The following FNDC3A variants were observed in gnomAD, a reference collection of about 807,000 sequenced individuals.
FNDC3A encodes the protein fibronectin type III domain containing 3A, also known as fibronectin type-III domain-containing protein 3A.
FNDC3A carries 32 observed loss-of-function variants against 148.9 expected under a neutral mutation model. The ratio of observed to expected loss-of-function variants is 0.21; its 90% CI spans 0.16 to 0.29. FNDC3A has a LOEUF of 0.29. Among genes scored for constraint, FNDC3A ranks in the 10% least tolerant of loss-of-function variants. The pLI, the probability that FNDC3A is intolerant of heterozygous loss-of-function variation, is 1.00. For missense variants in FNDC3A, 1,191 were observed against 1,452.8 expected (o/e 0.82, Z 2.93); for synonymous variants, 472 against 473.6 (o/e 1.00, Z 0.04).
intron 23 of FNDC3A, among the ~76,000 whole-genome samples, chr13:49,200,674 T>C (rs1886380914): frequency 6.6e-6 from 1 of 152,068 alleles, no homozygotes; most frequent in African/African-American, 2.4e-5. Context: ...AATATTCAGC[T>C]AGCATCTAGA....
chr13:49,049,442 CT>C (rs563395502), intron 2 of FNDC3A, among the ~76,000 whole-genome samples: 1 of 150,008 alleles, frequency 6.7e-6, no homozygotes, highest in African/African-American at 2.4e-5. Flanking sequence ...TGGTCCTGGC[CT>C]TTTTTTTTGT....
intron 2 of FNDC3A, among the ~76,000 whole-genome samples, chr13:49,020,095 G>A (rs1424687605): frequency 1.3e-5 from 2 of 152,268 alleles, no homozygotes; most frequent in South Asian, 2.1e-4. Flanking sequence ...GTTAAGAAAA[G>A]TTGAGTTTTT....
chr13:49,189,314 C>T (rs1885755154), intron 17 of FNDC3A, among the ~76,000 whole-genome samples: 1 of 152,028 alleles, frequency 6.6e-6, no homozygotes, highest in Non-Finnish European at 1.5e-5. Context: ...TCCCTAGTAG[C>T]TGGGACTACA....
chr13:49,015,128 C>A (rs1952466602), intron 2 of FNDC3A, among the ~76,000 whole-genome samples: 1 of 152,190 alleles, frequency 6.6e-6, no homozygotes, highest in East Asian at 1.9e-4. Context: ...TTTTCCAATT[C>A]TGTGAAGAAA....
chr13:49,174,569 ACTT>A lies in FNDC3A; in HGVS notation c.1355+11_1355+13del. On this transcript the variant is annotated intron_variant, in intron 12 of 25. Transcript: ENST00000492622. ...ATGACTATGGTACAAGGTAAGGTGT[ACTT>A]TATAAAAGAATGTAAATATTTTTAG... 6.3e-7 allele frequency: 1 copy of A among 1,595,918 alleles called. No homozygotes were observed. Among genetic ancestry groups the A allele is most frequent in the Non-Finnish European group, 8.5e-7 (1 of 1,170,312 alleles).
At chr13:49,069,037 C>T (rs1377649936) in intron 2 of FNDC3A, among the ~76,000 whole-genome samples, 1 of 151,892 alleles carries the variant, frequency 6.6e-6, no homozygotes, top group African/African-American at 2.4e-5. Context: ...CAAACCTACA[C>T]GTGTACCGTG....
chr13:49,182,416 A>AT (rs549280084), intron 14 of FNDC3A, among the ~76,000 whole-genome samples: 22 of 151,928 alleles, frequency 1.4e-4, no homozygotes, highest in African/African-American at 4.6e-4. Context: ...TGGTGTCTAA[A>AT]TTTTTTTTTA....
At chr13:49,136,680 T>C (rs1882383797) in intron 6 of FNDC3A, 79 bp downstream of exon 6, 4 of 1,401,022 alleles carry the variant, frequency 2.9e-6, no homozygotes, top group Non-Finnish European at 3.9e-6. Flanking sequence ...TTCTAACCTT[T>C]CAGTCATTTT....
At chr13:49,017,216 A>G (rs1196038643) in intron 2 of FNDC3A, among the ~76,000 whole-genome samples, 6 of 152,102 alleles carry the variant, frequency 3.9e-5, no homozygotes, top group African/African-American at 1.2e-4. Flanking sequence ...AAAGTCTCCC[A>G]TTATTAATGT....
intron 19 of FNDC3A, among the ~76,000 whole-genome samples, chr13:49,194,544 T>G (rs976219621): frequency 6.6e-6 from 1 of 151,974 alleles, no homozygotes; most frequent in South Asian, 2.1e-4. Context: ...GGTTTGTTTG[T>G]TTTTTTTCAT....
intron 14 of FNDC3A, among the ~76,000 whole-genome samples, chr13:49,182,967 C>T (rs1885383329): frequency 6.6e-6 from 1 of 152,054 alleles, no homozygotes; most frequent in Non-Finnish European, 1.5e-5. Context: ...GCTCTTTTTT[C>T]ACCTTCCAAT....
chr13:49,137,988 A>G (rs1390953080), intron 6 of FNDC3A, among the ~76,000 whole-genome samples: 7 of 152,220 alleles, frequency 4.6e-5, no homozygotes, highest in South Asian at 2.1e-4. Context: ...CCACAACTCT[A>G]TCAGTCCTTG....
At chr13:49,023,157 T>C (rs1474257860) in intron 2 of FNDC3A, among the ~76,000 whole-genome samples, 2 of 152,054 alleles carry the variant, frequency 1.3e-5, no homozygotes, top group African/African-American at 2.4e-5. Context: ...TCATAAAATA[T>C]CAGTCAGGAA....
In FNDC3A at chr13:49,168,644, A is replaced by G. The variant is rs563827648; in HGVS notation, c.1069A>G (p.Thr357Ala). Residue 357 changes from threonine (T) to alanine (A), a missense_variant, in exon 10 of 26, where the codon ACT becomes GCT. Transcript: ENST00000492622. ...VQAEYNSIKG[T>A]PSEAEIFTTL... The stretch of plus-strand genomic sequence containing the variant: ...GGCAGAATATAATTCTATAAAGGGA[A>G]CTCCTTCAGAGGCTGAAATCTTTAC... 6.2e-7 allele frequency: 1 copy of G among 1,610,764 alleles called. No homozygotes were observed. Among genetic ancestry groups the G allele is most frequent in the African/African-American group, 1.3e-5 (1 of 74,938 alleles).
chr13:49,060,286 C>T (rs1876570028), intron 2 of FNDC3A, among the ~76,000 whole-genome samples: 2 of 152,286 alleles, frequency 1.3e-5, no homozygotes, highest in South Asian at 4.1e-4. Context: ...AAATGTCTGT[C>T]ATCATTTGAA....
intron 3 of FNDC3A, chr13:49,110,302 A>C: frequency 8.7e-7 from 1 of 1,145,474 alleles, no homozygotes; most frequent in Non-Finnish European, 1.2e-6. Flanking sequence ...CAGCCTTGCA[A>C]AAAAAAAAAA....
chr13:49,008,860 A>G (rs920802594), intron 2 of FNDC3A, among the ~76,000 whole-genome samples: 1 of 152,118 alleles, frequency 6.6e-6, no homozygotes, highest in Non-Finnish European at 1.5e-5. Flanking sequence ...TTTTTAGAGC[A>G]GTTTTAGGCT....
intron 2 of FNDC3A, among the ~76,000 whole-genome samples, chr13:49,024,091 A>G (rs377190205): frequency 6.6e-6 from 1 of 152,028 alleles, no homozygotes; most frequent in African/African-American, 2.4e-5. Context: ...AGAGACTACT[A>G]TGAACAACTA....
chr13:49,097,027 T>C (rs1054698302), intron 3 of FNDC3A, among the ~76,000 whole-genome samples: 9 of 152,008 alleles, frequency 5.9e-5, no homozygotes, highest in Non-Finnish European at 1.2e-4. Flanking sequence ...AGAGACTGCA[T>C]GGGAGAGTAT....
Sources: gnomAD v4.1 joint callset for allele counts (sites outside exome capture counted in the v4.1 genomes callset) on GRCh38, gnomAD v4.1.1 for gene constraint, MANE v1.5 for transcripts, NCBI Gene and HGNC (gene_info 2026-07-23, HGNC 2026-07-21) for gene names.